WASF1: variants seen among roughly 807,000 people sequenced by gnomAD.
WASF1 encodes WASP family member 1.
WASF1 carries 7 observed loss-of-function variants against 50.5 expected under a neutral mutation model. That is an observed-to-expected ratio of 0.14 (90% confidence interval 0.08 to 0.26). The LOEUF (loss-of-function observed/expected upper bound fraction) is 0.26, where lower values mean the gene tolerates loss of function less well. Among genes scored for constraint, WASF1 ranks in the 10% least tolerant of loss-of-function variants. WASF1 has a pLI of 1.00. For synonymous variants in WASF1, 205 were observed against 244.0 expected (o/e 0.84, Z 1.49); for missense variants, 470 against 694.7 (o/e 0.68, Z 3.64).
chr6:110,161,587 TTA>T (rs1369044935), intron 2 of WASF1, among the ~76,000 whole-genome samples: 1 of 151,600 alleles, frequency 6.6e-6, no homozygotes, highest in Non-Finnish European at 1.5e-5. Context: ...TCGCACTGTA[TTA>T]TGTTTTCCCT....
chr6:110,127,713 A>T, intron 3 of WASF1, 84 bp from the exon 4 acceptor site: 1 of 1,251,596 alleles, frequency 8.0e-7, no homozygotes, highest in East Asian at 2.9e-5. Context: ...AGAATAAAGC[A>T]CTGTTGACCC....
At chr6:110,178,381 GAACA>G (rs1777025600) in intron 2 of WASF1, among the ~76,000 whole-genome samples, 1 of 152,074 alleles carries the variant, frequency 6.6e-6, no homozygotes, top group Non-Finnish European at 1.5e-5. Context: ...ATAATGCTAT[GAACA>G]ATCAGAAAAA....
intron 4 of WASF1, among the ~76,000 whole-genome samples, chr6:110,122,746 A>T (rs1011610973): frequency 2.6e-5 from 4 of 152,168 alleles, no homozygotes; most frequent in African/African-American, 9.7e-5. Context: ...TACAACATAA[A>T]ATATACATGT....
chr6:110,114,600 T>G (rs1436295664), intron 4 of WASF1, among the ~76,000 whole-genome samples: 1 of 151,810 alleles, frequency 6.6e-6, no homozygotes, highest in Non-Finnish European at 1.5e-5. Context: ...AGTCCATATA[T>G]GACAACTTAA....
At chr6:110,165,825 G>C (rs981540448) in intron 2 of WASF1, among the ~76,000 whole-genome samples, 3 of 151,642 alleles carry the variant, frequency 2.0e-5, no homozygotes, top group Admixed American at 6.6e-5. Context: ...TTCTGAATCA[G>C]AATCTGCTTT....
chr6:110,145,890 C>A (rs570982962), intron 3 of WASF1, among the ~76,000 whole-genome samples: 36 of 149,298 alleles, frequency 2.4e-4, no homozygotes, highest in Non-Finnish European at 4.7e-4. Flanking sequence ...GACAAAAAAA[C>A]CAAACACTGC....
chr6:110,113,581 A>G lies in WASF1; in HGVS notation c.134-121T>C. The G allele has an allele frequency of 3.4e-6, 3 of 875,882 alleles. No homozygotes were observed. The South Asian group carries it at 6.6e-5, about 19-fold the overall frequency. The allele number at this position is 875,882 out of a possible 1,614,324, so 54.3% of individuals were successfully genotyped here. On this transcript the variant is annotated intron_variant, in intron 4 of 10. Coordinates refer to ENST00000392589, the MANE Select transcript of WASF1 (RefSeq NM_003931.3). The stretch of plus-strand genomic sequence containing the variant: ...TCAGATACTTTGTGATCAGAGATAA[A>G]TAATGAACAATGTAATATTACAACT...
intron 4 of WASF1, among the ~76,000 whole-genome samples, chr6:110,123,312 T>C (rs1445137625): frequency 1.3e-5 from 2 of 152,110 alleles, no homozygotes; most frequent in African/African-American, 4.8e-5. Context: ...GGAGATCTTT[T>C]ACACCCTCTT....
In WASF1 at chr6:110,103,435, G is replaced by C; in HGVS notation, c.836C>G (p.Pro279Arg). The C allele has an allele frequency of 6.2e-7, 1 of 1,614,060 alleles. No homozygotes were observed. Among genetic ancestry groups the C allele is most frequent in the Non-Finnish European group, 8.5e-7 (1 of 1,179,964 alleles). ...TGCTCCATGCATTGGTGGAGGTGGA[G>C]GTGGTTCATGTGGTCTGACTAATAC... ...ERVLVRPHEP[P>R]PPPPMHGAGD... Residue 279 changes from proline to arginine, a missense_variant, in exon 9 of 11, where the codon CCT becomes CGT. By Grantham distance (103) the Pro-to-Arg change is moderately radical. Around this residue, in one of 3 missense-constraint regions of WASF1, gnomAD observed 294 missense variants for 343.5 expected, o/e 0.86. Transcript: ENST00000392589.
At chr6:110,171,300 A>G (rs1037743106) in intron 2 of WASF1, among the ~76,000 whole-genome samples, 2 of 152,174 alleles carry the variant, frequency 1.3e-5, no homozygotes, top group African/African-American at 4.8e-5. Context: ...ATCTCAAAAC[A>G]TTTGGAGATT....
intron 4 of WASF1, among the ~76,000 whole-genome samples, chr6:110,124,239 T>TCTCTCTCC (rs1774292476): frequency 4.7e-4 from 13 of 27,560 alleles, no homozygotes; most frequent in South Asian, 1.7e-3. Flanking sequence ...CTCTCTCCTC[T>TCTCTCTCC]CTCTCTCTCT....
intron 3 of WASF1, among the ~76,000 whole-genome samples, chr6:110,139,494 G>C (rs976529054): frequency 6.6e-6 from 1 of 152,198 alleles, no homozygotes; most frequent in African/African-American, 2.4e-5. Flanking sequence ...TCAGAGCACT[G>C]ACCCCATTTC....
chr6:110,153,550 G>A (rs1775918365), intron 3 of WASF1, among the ~76,000 whole-genome samples: 1 of 152,068 alleles, frequency 6.6e-6, no homozygotes, highest in Non-Finnish European at 1.5e-5. Context: ...TTTAATTTTA[G>A]TCAATCTACT....
intron 3 of WASF1, among the ~76,000 whole-genome samples, chr6:110,140,372 T>C (rs1250478790): frequency 2.0e-5 from 3 of 152,284 alleles, no homozygotes; most frequent in African/African-American, 4.8e-5. Flanking sequence ...AATAATAAAT[T>C]GGTAAGTATA....
At chr6:110,179,287 G>C (rs942915626) in intron 1 of WASF1, among the ~76,000 whole-genome samples, 152 bp downstream of exon 1, 6 of 152,182 alleles carry the variant, frequency 3.9e-5, no homozygotes, top group Non-Finnish European at 8.8e-5. Context: ...CCCGCGGATG[G>C]GGGTGGGGGC....
At chr6:110,164,957 T>TG (rs1776412917) in intron 2 of WASF1, among the ~76,000 whole-genome samples, 1 of 151,620 alleles carries the variant, frequency 6.6e-6, no homozygotes, top group African/African-American at 2.4e-5. Context: ...GGCTACATAC[T>TG]CTATGATTCC....
chr6:110,128,480 G>A (rs1198695937), intron 3 of WASF1, among the ~76,000 whole-genome samples: 1 of 152,126 alleles, frequency 6.6e-6, no homozygotes, highest in Non-Finnish European at 1.5e-5. Context: ...AAGTAGCCCT[G>A]CACCTGAAAT....
chr6:110,124,216 T>TCTCTCTCCTC (rs1367926644), intron 4 of WASF1, among the ~76,000 whole-genome samples: 3 of 63,514 alleles, frequency 4.7e-5, no homozygotes, highest in African/African-American at 1.7e-4. Flanking sequence ...TCTCTCTCTC[T>TCTCTCTCCTC]CCTCTCTCTC....
intron 4 of WASF1, among the ~76,000 whole-genome samples, chr6:110,116,724 A>C (rs1282657073): frequency 7.9e-5 from 12 of 152,162 alleles, no homozygotes; most frequent in Non-Finnish European, 1.8e-4. Context: ...TGCCTCCTCA[A>C]GTGGGTCCCT....
Sources: allele counts gnomAD v4.1 joint callset (sites outside exome capture counted in the v4.1 genomes callset), GRCh38; gene constraint gnomAD v4.1.1; regional missense constraint gnomAD v4.1.1; transcripts MANE v1.5; gene names NCBI Gene and HGNC (gene_info 2026-07-23, HGNC 2026-07-21).